The following KCNJ16 variants were observed in gnomAD, a reference collection of about 807,000 sequenced individuals.
The protein encoded by KCNJ16 is potassium inwardly rectifying channel subfamily J member 16, also known as inward rectifier potassium channel 16.
KCNJ16 carries 15 observed loss-of-function variants against 18.5 expected under a neutral mutation model. The ratio of observed to expected loss-of-function variants is 0.81; its 90% CI spans 0.54 to 1.25. The LOEUF (loss-of-function observed/expected upper bound fraction) is 1.25, where lower values mean the gene tolerates loss of function less well. KCNJ16 is among the 50% of genes most tolerant of loss of function. The pLI, the probability that KCNJ16 is intolerant of heterozygous loss-of-function variation, is 0.00. For synonymous variants in KCNJ16, 174 were observed against 186.5 expected, an observed-to-expected ratio of 0.93 and a Z score of 0.55; for missense variants, 523 against 525.7, an observed-to-expected ratio of 0.99 and a Z score of 0.05.
intron 1 of KCNJ16, among the ~76,000 whole-genome samples, chr17:70,078,833 C>T (rs866829750): frequency 1.3e-5 from 2 of 152,186 alleles, no homozygotes; most frequent in Middle Eastern, 6.8e-3. Flanking sequence ...TCCAGGAAGG[C>T]AAGAGGGATG....
At chr17:70,121,016 G>C (rs1338748243) in intron 2 of KCNJ16, among the ~76,000 whole-genome samples, 5 of 152,124 alleles carry the variant, frequency 3.3e-5, no homozygotes, top group African/African-American at 4.8e-5. Context: ...ATGATTTGGG[G>C]GAAAGATGAT....
chr17:70,131,342 T>C, intron 3 of KCNJ16: 2 of 1,066,540 alleles, frequency 1.9e-6, no homozygotes, highest in Non-Finnish European at 2.3e-6. Context: ...TTTTTTTTCT[T>C]TTCTTTCAAG....
intron 2 of KCNJ16, among the ~76,000 whole-genome samples, chr17:70,118,109 T>A: frequency 6.6e-6 from 1 of 152,182 alleles, no homozygotes. Context: ...TAAAATAAGC[T>A]GACAAGAGGC....
At position 70,096,011 on chromosome 17, in the gene KCNJ16, T is replaced by C. The variant is rs915352138; in HGVS notation, c.-299-4647T>C. The stretch of plus-strand genomic sequence containing the variant: ...CATTCTCCTGCCTCAGCCTCCCGAG[T>C]AGCTGGGACTACAGGCGCCCACCAC... On this transcript the variant is annotated intron_variant, in intron 1 of 3. Coordinates refer to ENST00000392671, the MANE Select transcript of KCNJ16 (RefSeq NM_170741.4). 2.0e-5 allele frequency among the ~76,000 whole-genome samples: 3 copies of C among 150,462 alleles called. No individual in the cohort carries two copies. The East Asian group carries it at 6.0e-4, about 30-fold the overall frequency.
intron 1 of KCNJ16, among the ~76,000 whole-genome samples, chr17:70,084,717 ACC>A (rs1432063560): frequency 6.6e-6 from 1 of 152,136 alleles, no homozygotes; most frequent in Non-Finnish European, 1.5e-5. Flanking sequence ...TTGCTAATCC[ACC>A]AACCACTTGC....
chr17:70,121,517 G>T (rs2073637756), intron 2 of KCNJ16, among the ~76,000 whole-genome samples: 1 of 152,170 alleles, frequency 6.6e-6, no homozygotes, highest in Admixed American at 6.5e-5. Context: ...AAATACTTTA[G>T]AGAGAGGGCC....
At chr17:70,127,347 A>G (rs2073889436) in intron 2 of KCNJ16, among the ~76,000 whole-genome samples, 1 of 152,136 alleles carries the variant, frequency 6.6e-6, no homozygotes, top group African/African-American at 2.4e-5. Context: ...GGGTAAAGCA[A>G]GAGTTCAGTG....
At chr17:70,078,427 T>C (rs1312642110) in intron 1 of KCNJ16, among the ~76,000 whole-genome samples, 1 of 152,194 alleles carries the variant, frequency 6.6e-6, no homozygotes, top group Admixed American at 6.5e-5. Context: ...TTTCCTTATA[T>C]GAAAATAGCT....
Position 70,116,837 on chromosome 17 carries a change from G to C in KCNJ16, c.-190-14042G>C, listed in dbSNP as rs116659207. On this transcript the variant is annotated intron_variant, in intron 2 of 3. Transcript: ENST00000392671. ...AGCGAGGCTGCGGAGAAAAGGGAGT[G>C]CTTATACAGTGTTGGTGGGAATGTA... 5.8e-3 allele frequency among the ~76,000 whole-genome samples: 879 copies of C among 152,296 alleles called. 8 individuals carry two copies. Among genetic ancestry groups the C allele is most frequent in the African/African-American group, 0.02 (839 of 41,564 alleles).
At chr17:70,094,530 G>T (rs8082547) in intron 1 of KCNJ16, among the ~76,000 whole-genome samples, 128,573 of 152,004 alleles carry the variant, frequency 0.85, 54,444 homozygotes, top group East Asian at 0.96. Context: ...TATCTACAGA[G>T]ATTATCTAGA....
At chr17:70,109,712 G>T (rs1414728432) in intron 2 of KCNJ16, among the ~76,000 whole-genome samples, 2 of 152,158 alleles carry the variant, frequency 1.3e-5, no homozygotes, top group Non-Finnish European at 2.9e-5. Flanking sequence ...ACTCCAGTGG[G>T]CAATCCTAAA....
At chr17:70,107,201 G>C (rs2072971435) in intron 2 of KCNJ16, among the ~76,000 whole-genome samples, 1 of 152,198 alleles carries the variant, frequency 6.6e-6, no homozygotes. Flanking sequence ...GGCAAATGTT[G>C]GAGACGAGAT....
intron 1 of KCNJ16, among the ~76,000 whole-genome samples, chr17:70,081,806 C>CTGTGTGTG (rs5821755): frequency 0.03 from 4,546 of 149,524 alleles, 64 homozygotes; most frequent in Middle Eastern, 0.055. Context: ...TCACCATGCT[C>CTGTGTGTG]TGTGTGTGTG....
At position 70,093,850 on chromosome 17, in the gene KCNJ16, T is replaced by C. The variant is rs577002947; in HGVS notation, c.-299-6808T>C. Among the ~76,000 whole-genome samples, 5 of 152,188 alleles carry C rather than the reference T, an allele frequency of 3.3e-5. No homozygotes were observed. The South Asian group carries it at 1.0e-3, about 32-fold the overall frequency. On this transcript the variant is annotated intron_variant, in intron 1 of 3. Transcript: ENST00000392671. ...CTTTTCAAGAGGCTTGGCCAATTATTCTGTAATTTGCCATAACTATTGGAA... is the reference window on the plus strand; with the variant it reads ...CTTTTCAAGAGGCTTGGCCAATTATCCTGTAATTTGCCATAACTATTGGAA...
intron 2 of KCNJ16, among the ~76,000 whole-genome samples, chr17:70,123,611 T>C (rs2073738372): frequency 6.6e-6 from 1 of 152,162 alleles, no homozygotes; most frequent in Admixed American, 6.5e-5. Flanking sequence ...CATTTATTCC[T>C]CATAAAAACA....
At chr17:70,084,168 C>T (rs1361820493) in intron 1 of KCNJ16, among the ~76,000 whole-genome samples, 1 of 152,194 alleles carries the variant, frequency 6.6e-6, no homozygotes, top group Non-Finnish European at 1.5e-5. Flanking sequence ...AATATGGCTA[C>T]TGGTTCACTT....
intron 1 of KCNJ16, among the ~76,000 whole-genome samples, chr17:70,097,708 C>T (rs1347593013): frequency 1.3e-5 from 2 of 152,086 alleles, no homozygotes; most frequent in Non-Finnish European, 2.9e-5. Flanking sequence ...AAATCACAAA[C>T]TTCTTGTCTA....
intron 2 of KCNJ16, among the ~76,000 whole-genome samples, chr17:70,129,012 T>C (rs1455991446): frequency 6.6e-6 from 1 of 152,210 alleles, no homozygotes; most frequent in Non-Finnish European, 1.5e-5. Context: ...CGGGCAGCCC[T>C]CTTCCTGCTT....
chr17:70,110,480 G>A lies in KCNJ16; in HGVS notation c.-191+9714G>A, dbSNP rs79077612. On this transcript the variant is annotated intron_variant, in intron 2 of 3. Transcript: ENST00000392671. ...ACTTACACACCTACACACTTCGTGC[G>A]CGCACACACACACACACACACAAAC... Among the ~76,000 whole-genome samples, 337 of 151,110 alleles carry A rather than the reference G, an allele frequency of 2.2e-3. 1 individual carries two copies. Among genetic ancestry groups the A allele is most frequent in the East Asian group, 5.0e-3 (26 of 5,166 alleles).
Sources: allele counts gnomAD v4.1 joint callset (sites outside exome capture counted in the v4.1 genomes callset), GRCh38; gene constraint gnomAD v4.1.1; transcripts MANE v1.5; gene names NCBI Gene and HGNC (gene_info 2026-07-23, HGNC 2026-07-21).